ADGRB3: variants seen among roughly 807,000 people sequenced by gnomAD.
The protein encoded by ADGRB3 is brain-specific angiogenesis inhibitor 3.
ADGRB3 carries 37 observed loss-of-function variants against 193.4 expected under a neutral mutation model. The ratio of observed to expected loss-of-function variants is 0.19; its 90% CI spans 0.15 to 0.25. The LOEUF is 0.25. ADGRB3 is among the 10% of genes least tolerant of loss of function. The pLI, the probability that ADGRB3 is intolerant of heterozygous loss-of-function variation, is 1.00. For missense variants in ADGRB3, 1,637 were observed against 1,852.9 expected, an observed-to-expected ratio of 0.88 and a Z score of 2.14; for synonymous variants, 690 against 644.2, an observed-to-expected ratio of 1.07 and a Z score of -1.08.
In ADGRB3 at chr6:68,910,270, T is replaced by A. The variant is rs548122797; in HGVS notation, c.758-20289T>A. Among the ~76,000 whole-genome samples the A allele has an allele frequency of 1.6e-3, 245 of 152,172 alleles. 2 individuals are homozygous for A. Among genetic ancestry groups the A allele is most frequent in the Non-Finnish European group, 2.7e-3 (183 of 68,004 alleles). The stretch of plus-strand genomic sequence containing the variant: ...ATGGGGTTGTTTGTTTTTTTCTTGT[T>A]AATTTGTTTGAGTTCATTGTAGATT... On this transcript the variant is annotated intron_variant, in intron 3 of 31. Transcript: ENST00000370598.
chr6:68,674,071 T>A (rs532584410), intron 3 of ADGRB3, among the ~76,000 whole-genome samples: 1 of 152,288 alleles, frequency 6.6e-6, no homozygotes, highest in South Asian at 2.1e-4. Context: ...AGAAGTTCCC[T>A]GGAAAGCATC....
At chr6:68,896,981 C>A (rs9454640) in intron 3 of ADGRB3, among the ~76,000 whole-genome samples, 3 of 152,114 alleles carry the variant, frequency 2.0e-5, no homozygotes, top group African/African-American at 7.2e-5. Flanking sequence ...CTCCCAGCAG[C>A]TCCTCTGGGG....
At chr6:69,255,626 C>T (rs897610981) in intron 20 of ADGRB3, among the ~76,000 whole-genome samples, 2 of 152,058 alleles carry the variant, frequency 1.3e-5, no homozygotes, top group Admixed American at 1.3e-4. Flanking sequence ...GAGTAGGTTG[C>T]AAAAATTTTC....
intron 20 of ADGRB3, among the ~76,000 whole-genome samples, chr6:69,310,958 T>G (rs1233338481): frequency 2.0e-5 from 3 of 151,714 alleles, no homozygotes. Context: ...CAATATAGAC[T>G]AAAGTACCCT....
intron 3 of ADGRB3, among the ~76,000 whole-genome samples, chr6:68,660,330 C>CT (rs35471123): frequency 2.5e-4 from 36 of 146,314 alleles, no homozygotes; most frequent in African/African-American, 7.7e-4. Flanking sequence ...GTATCACTTC[C>CT]TTTTTTTTTC....
In ADGRB3 at chr6:68,639,016, C is replaced by T. The variant is rs553411317; in HGVS notation, c.341C>T (p.Ser114Phe). Residue 114 changes from serine to phenylalanine, a missense_variant, in exon 3 of 32, where the codon TCC (serine) becomes TTC (phenylalanine). Around this residue, in one of 7 missense-constraint regions of ADGRB3, gnomAD observed 365 missense variants for 409.8 expected, o/e 0.89. Coordinates refer to ENST00000370598, the MANE Select transcript of ADGRB3 (RefSeq NM_001704.3). ...KNHSIMQLCN[S>F]KNAFVFLQYD... ...CATTCTATAATGCAACTCTGCAATT[C>T]CAAGAATGCTTTCGTTTTTCTACAG... 3.1e-6 allele frequency: 5 copies of T among 1,613,250 alleles called. No homozygotes were observed. The South Asian group carries it at 4.4e-5, about 14-fold the overall frequency.
chr6:69,189,959 A>T (rs1765153511), intron 17 of ADGRB3, among the ~76,000 whole-genome samples: 1 of 152,176 alleles, frequency 6.6e-6, no homozygotes, highest in South Asian at 2.1e-4. Context: ...AGCCATCATA[A>T]CATCCTAGTG....
intron 17 of ADGRB3, among the ~76,000 whole-genome samples, chr6:69,208,681 C>T (rs1195428649): frequency 6.6e-6 from 1 of 152,182 alleles, no homozygotes; most frequent in Non-Finnish European, 1.5e-5. Flanking sequence ...CCCATGAGGC[C>T]ATCAGTGCAG....
At chr6:68,763,468 G>A (rs188070205) in intron 3 of ADGRB3, among the ~76,000 whole-genome samples, 58 of 152,278 alleles carry the variant, frequency 3.8e-4, no homozygotes, top group Admixed American at 9.8e-4. Context: ...CACCTTGGTA[G>A]GCATTCATAT....
chr6:68,718,254 T>A (rs1765518675), intron 3 of ADGRB3, among the ~76,000 whole-genome samples: 1 of 151,726 alleles, frequency 6.6e-6, no homozygotes, highest in South Asian at 2.1e-4. Flanking sequence ...TTGCTCAAAA[T>A]GGAGACTTTT....
chr6:68,782,591 AGT>A (rs1766877422), intron 3 of ADGRB3, among the ~76,000 whole-genome samples: 2 of 152,290 alleles, frequency 1.3e-5, no homozygotes, highest in African/African-American at 2.4e-5. Flanking sequence ...TCCCACCAAC[AGT>A]GCAGAAGTGT....
chr6:69,353,535 A>G (rs1212388533), intron 26 of ADGRB3, among the ~76,000 whole-genome samples: 1 of 151,412 alleles, frequency 6.6e-6, no homozygotes, highest in Non-Finnish European at 1.5e-5. Flanking sequence ...TTTTCGTAAT[A>G]TTTAAAGCTG....
chr6:69,095,364 G>A (rs1772841835), intron 17 of ADGRB3, among the ~76,000 whole-genome samples: 2 of 137,664 alleles, frequency 1.5e-5, no homozygotes, highest in South Asian at 5.0e-4. Flanking sequence ...AGTGCTCTGT[G>A]TCCACACAGA....
intron 8 of ADGRB3, among the ~76,000 whole-genome samples, chr6:68,964,758 T>C (rs1768330506): frequency 6.6e-6 from 1 of 152,218 alleles, no homozygotes. Flanking sequence ...TGAGTAAGTA[T>C]ATATAACACT....
intron 3 of ADGRB3, among the ~76,000 whole-genome samples, chr6:68,894,824 T>C (rs1244645335): frequency 6.6e-6 from 1 of 151,970 alleles, no homozygotes; most frequent in Non-Finnish European, 1.5e-5. Context: ...GCTTGATTTG[T>C]TACTTCAAAT....
intron 3 of ADGRB3, among the ~76,000 whole-genome samples, chr6:68,882,956 C>T (rs370961771): frequency 8.6e-5 from 13 of 151,824 alleles, no homozygotes; most frequent in African/African-American, 2.2e-4. Context: ...TGCAGTGGTG[C>T]GATCTCTGCT....
chr6:68,790,087 CA>C (rs1257714966), intron 3 of ADGRB3, among the ~76,000 whole-genome samples: 2 of 152,090 alleles, frequency 1.3e-5, no homozygotes, highest in Admixed American at 6.6e-5. Context: ...ACTTCTTTGC[CA>C]TTCATTCGAA....
At chr6:68,970,631 G>A (rs548868432) in intron 8 of ADGRB3, among the ~76,000 whole-genome samples, 2 of 152,232 alleles carry the variant, frequency 1.3e-5, no homozygotes, top group African/African-American at 4.8e-5. Context: ...ATGCACCATT[G>A]GTTCTTCTAA....
intron 3 of ADGRB3, among the ~76,000 whole-genome samples, chr6:68,793,630 G>A (rs953983606): frequency 6.6e-6 from 1 of 152,162 alleles, no homozygotes; most frequent in South Asian, 2.1e-4. Context: ...CTGGGTTTAA[G>A]TGATTCTCCT....
Sources: allele counts gnomAD v4.1 joint callset (sites outside exome capture counted in the v4.1 genomes callset), GRCh38; gene constraint gnomAD v4.1.1; regional missense constraint gnomAD v4.1.1; transcripts MANE v1.5; gene names NCBI Gene and HGNC (gene_info 2026-07-23, HGNC 2026-07-21).